PTPN14: variants seen among roughly 807,000 people sequenced by gnomAD.
PTPN14 encodes the protein protein tyrosine phosphatase non-receptor type 14, also known as tyrosine-protein phosphatase non-receptor type 14.
In PTPN14, 53 loss-of-function variants were observed where a neutral mutation model predicts 126.8. The ratio of observed to expected loss-of-function variants is 0.42; its 90% CI spans 0.34 to 0.53. PTPN14 has a LOEUF of 0.53. Ranked by LOEUF, PTPN14 falls within the 20% of genes least tolerant of loss-of-function variation. PTPN14 has a pLI of 0.08. For missense variants in PTPN14, 1,257 were observed against 1,552.9 expected, an observed-to-expected ratio of 0.81 and a Z score of 3.20; for synonymous variants, 630 against 599.3, an observed-to-expected ratio of 1.05 and a Z score of -0.75.
intron 1 of PTPN14, among the ~76,000 whole-genome samples, chr1:214,499,732 G>A (rs547673324): frequency 4.1e-4 from 62 of 152,148 alleles, no homozygotes; most frequent in African/African-American, 1.4e-3. Flanking sequence ...GCTATCAAAT[G>A]AATGCTCCAT....
At chr1:214,468,364 T>A (rs1028908159) in intron 1 of PTPN14, among the ~76,000 whole-genome samples, 2 of 152,188 alleles carry the variant, frequency 1.3e-5, no homozygotes, top group African/African-American at 4.8e-5. Context: ...GAGACCAGCC[T>A]GGCCAACATG....
intron 1 of PTPN14, among the ~76,000 whole-genome samples, chr1:214,484,818 G>A (rs1661076182): frequency 6.6e-6 from 1 of 152,182 alleles, no homozygotes; most frequent in Non-Finnish European, 1.5e-5. Context: ...TCTCCAAGAG[G>A]GATGTCTTCA....
intron 3 of PTPN14, among the ~76,000 whole-genome samples, chr1:214,430,521 T>C (rs1659775391): frequency 6.6e-6 from 1 of 152,326 alleles, no homozygotes; most frequent in East Asian, 1.9e-4. Flanking sequence ...CTTGTCACAA[T>C]ATGAATGGGT....
At chr1:214,452,034 C>G in intron 2 of PTPN14, 60 bp from the exon 3 acceptor site, 3 of 1,539,928 alleles carry the variant, frequency 1.9e-6, no homozygotes, top group Non-Finnish European at 2.6e-6. Context: ...CAAGGCCACA[C>G]AAGAAACGAG....
chr1:214,500,880 C>T (rs1385217665), intron 1 of PTPN14, among the ~76,000 whole-genome samples: 1 of 152,150 alleles, frequency 6.6e-6, no homozygotes, highest in Non-Finnish European at 1.5e-5. Context: ...GGCAGATTAG[C>T]TTGGAAGGAT....
chr1:214,433,922 CCACACACA>C (rs1186419218), intron 3 of PTPN14, among the ~76,000 whole-genome samples: 3 of 123,788 alleles, frequency 2.4e-5, no homozygotes, highest in African/African-American at 1.0e-4. Context: ...GACATTATTT[CCACACACA>C]CACACACACA....
At chr1:214,371,618 G>A (rs1259973465) in intron 16 of PTPN14, among the ~76,000 whole-genome samples, 1 of 152,204 alleles carries the variant, frequency 6.6e-6, no homozygotes, top group East Asian at 1.9e-4. Context: ...CGTTTACCGT[G>A]TACTCCTGAA....
At chr1:214,466,007 A>G (rs1660629598) in intron 1 of PTPN14, among the ~76,000 whole-genome samples, 1 of 111,070 alleles carries the variant, frequency 9.0e-6, no homozygotes, top group Non-Finnish European at 1.7e-5. Context: ...CCCAGGCTGG[A>G]GTGCAGTGGT....
intron 3 of PTPN14, among the ~76,000 whole-genome samples, chr1:214,445,542 T>C (rs1393856631): frequency 4.0e-5 from 5 of 124,620 alleles, no homozygotes; most frequent in Non-Finnish European, 6.9e-5. Context: ...AAGACAAACA[T>C]GTTTTGGTTA....
chr1:214,483,548 CTA>C (rs1248295738), intron 1 of PTPN14, among the ~76,000 whole-genome samples: 1 of 152,162 alleles, frequency 6.6e-6, no homozygotes, highest in Non-Finnish European at 1.5e-5. Context: ...TACTCTACTG[CTA>C]TTTTTATACT....
chr1:214,471,258 A>C (rs74139887), intron 1 of PTPN14, among the ~76,000 whole-genome samples: 13,766 of 152,118 alleles, frequency 0.09, 636 homozygotes, highest in South Asian at 0.12. Context: ...AGGGAAAAAT[A>C]CTCACTCGAC....
chr1:214,520,065 A>AAAAAAAAAAAAAAAATATATAT, intron 1 of PTPN14, among the ~76,000 whole-genome samples: 32 of 71,088 alleles, frequency 4.5e-4, no homozygotes, highest in Non-Finnish European at 6.9e-4. Context: ...AAAAAAAAAA[A>AAAAAAAAAAAAAAAATATATAT]ATATATATAT....
intron 1 of PTPN14, among the ~76,000 whole-genome samples, chr1:214,474,142 T>C (rs574185492): frequency 6.6e-6 from 1 of 152,186 alleles, no homozygotes; most frequent in Non-Finnish European, 1.5e-5. Context: ...GTATGTGAAA[T>C]TGGAAAACAA....
In PTPN14 at chr1:214,376,981, T is replaced by G. The variant is rs73074040; in HGVS notation, c.2689-544A>C. On this transcript the variant is annotated intron_variant, in intron 14 of 18. Transcript: ENST00000366956. ...AAATCGAACACCCTGGTGTTATTAG[T>G]ACTTTATTACATTTATACAACCTGT... Among the ~76,000 whole-genome samples, 775 of 152,374 alleles carry G rather than the reference T, an allele frequency of 5.1e-3. 11 individuals are homozygous for G. Among genetic ancestry groups the G allele is most frequent in the African/African-American group, 0.017 (722 of 41,584 alleles).
chr1:214,485,725 T>C (rs1175872859), intron 1 of PTPN14, among the ~76,000 whole-genome samples: 3 of 151,972 alleles, frequency 2.0e-5, no homozygotes, highest in Non-Finnish European at 4.4e-5. Context: ...TAGTCTTTTA[T>C]ATTTCTTTTT....
intron 1 of PTPN14, among the ~76,000 whole-genome samples, chr1:214,509,919 G>A (rs377088665): frequency 4.5e-4 from 69 of 152,318 alleles, no homozygotes; most frequent in Non-Finnish European, 7.1e-4. Context: ...GTTCTCACTC[G>A]TAGGTGGGAA....
intron 2 of PTPN14, among the ~76,000 whole-genome samples, chr1:214,458,783 C>T (rs1158411879): frequency 1.3e-5 from 2 of 152,000 alleles, no homozygotes; most frequent in Non-Finnish European, 2.9e-5. Flanking sequence ...GCTCTTTTTC[C>T]CTTAACCTAG....
intron 1 of PTPN14, among the ~76,000 whole-genome samples, chr1:214,513,096 A>G (rs895521140): frequency 6.6e-6 from 1 of 152,154 alleles, no homozygotes; most frequent in Non-Finnish European, 1.5e-5. Context: ...CATGGTCTAT[A>G]TACTTAGCTG....
chr1:214,380,791 T>G (rs1658454498), intron 13 of PTPN14, among the ~76,000 whole-genome samples: 1 of 152,222 alleles, frequency 6.6e-6, no homozygotes, highest in African/African-American at 2.4e-5. Flanking sequence ...GTGGGGATGT[T>G]GCTTAGGCTA....
Sources: allele counts gnomAD v4.1 joint callset (sites outside exome capture counted in the v4.1 genomes callset), GRCh38; gene constraint gnomAD v4.1.1; transcripts MANE v1.5; gene names NCBI Gene and HGNC (gene_info 2026-07-23, HGNC 2026-07-21).